The following SNX29 variants were observed in gnomAD, a reference collection of about 807,000 sequenced individuals.
SNX29 encodes the protein sorting nexin 29.
A neutral mutation model predicts 102.1 loss-of-function variants in SNX29; 78 were observed. The observed-to-expected ratio is 0.76, with a 90% CI of 0.64 to 0.92. The LOEUF (loss-of-function observed/expected upper bound fraction) is 0.92. Ranked by LOEUF, SNX29 falls within the 40% of genes least tolerant of loss-of-function variation. The pLI is 0.00. For synonymous variants in SNX29, 580 were observed against 414.5 expected (o/e 1.40, Z -4.85); for missense variants, 1,280 against 1,061.7 (o/e 1.21, Z -2.86).
intron 14 of SNX29, among the ~76,000 whole-genome samples, chr16:12,205,409 C>T (rs1025353854): frequency 6.6e-6 from 1 of 152,168 alleles, no homozygotes; most frequent in Non-Finnish European, 1.5e-5. Flanking sequence ...CATGGTTTTC[C>T]AGTCCTGACT....
chr16:12,196,667 C>T (rs2076784006), intron 13 of SNX29, among the ~76,000 whole-genome samples: 1 of 138,492 alleles, frequency 7.2e-6, no homozygotes, highest in Non-Finnish European at 1.5e-5. Flanking sequence ...TGTTGCGAGG[C>T]TGGAGTGCAG....
chr16:12,566,380 C>T (rs1827595434), intron 20 of SNX29, among the ~76,000 whole-genome samples: 2 of 151,382 alleles, frequency 1.3e-5, no homozygotes, highest in Admixed American at 1.3e-4. Flanking sequence ...ACCAACAAGG[C>T]ACTGGCCTCT....
At chr16:12,523,985 C>T (rs1408616560) in intron 19 of SNX29, among the ~76,000 whole-genome samples, 1 of 152,130 alleles carries the variant, frequency 6.6e-6, no homozygotes, top group Admixed American at 6.6e-5. Context: ...CTCCCGGGTT[C>T]AAGTGATTGT....
chr16:12,518,063 A>G (rs1340873500), intron 19 of SNX29, among the ~76,000 whole-genome samples: 3 of 152,212 alleles, frequency 2.0e-5, no homozygotes, highest in Non-Finnish European at 4.4e-5. Context: ...CCACGCGGCA[A>G]GGTTCCCATG....
At chr16:12,062,144 C>A (rs972443748) in intron 9 of SNX29, among the ~76,000 whole-genome samples, 11 of 151,898 alleles carry the variant, frequency 7.2e-5, no homozygotes, top group African/African-American at 2.4e-4. Flanking sequence ...TTTGTGAAGC[C>A]GAGGCGGGTG....
intron 14 of SNX29, among the ~76,000 whole-genome samples, chr16:12,207,287 T>C (rs570015993): frequency 6.7e-4 from 102 of 152,196 alleles, no homozygotes; most frequent in African/African-American, 2.3e-3. Flanking sequence ...GAGAATTGCT[T>C]GAACCTGGGA....
intron 16 of SNX29, among the ~76,000 whole-genome samples, chr16:12,388,967 C>T (rs902507887): frequency 5.9e-5 from 9 of 152,202 alleles, no homozygotes; most frequent in African/African-American, 2.2e-4. Flanking sequence ...CTGCTCCTGC[C>T]TGCAAGGGTG....
At chr16:12,244,013 A>T (rs979390724) in intron 14 of SNX29, among the ~76,000 whole-genome samples, 2 of 152,038 alleles carry the variant, frequency 1.3e-5, no homozygotes, top group African/African-American at 4.8e-5. Flanking sequence ...AAACTGTTCC[A>T]CCTCAGATCA....
intron 19 of SNX29, among the ~76,000 whole-genome samples, chr16:12,518,058 C>T (rs936874389): frequency 3.9e-5 from 6 of 152,112 alleles, no homozygotes; most frequent in South Asian, 2.1e-4. Flanking sequence ...TGCGGCCACG[C>T]GGCAAGGTTC....
chr16:12,427,897 G>A (rs530120508), intron 18 of SNX29, among the ~76,000 whole-genome samples: 4 of 152,342 alleles, frequency 2.6e-5, no homozygotes, highest in African/African-American at 7.2e-5. Flanking sequence ...TGCTAAATAA[G>A]ATCAGACAAA....
intron 3 of SNX29, among the ~76,000 whole-genome samples, chr16:12,026,745 G>A (rs536951494): frequency 3.3e-5 from 5 of 152,196 alleles, no homozygotes; most frequent in African/African-American, 1.2e-4. Flanking sequence ...TATTTTTAGA[G>A]CATGTAATCT....
chr16:12,538,632 G>A (rs906190581), intron 20 of SNX29, among the ~76,000 whole-genome samples: 3 of 152,134 alleles, frequency 2.0e-5, no homozygotes, highest in African/African-American at 7.2e-5. Flanking sequence ...TAGGAAGAAT[G>A]GAAAAACTGG....
chr16:12,268,940 C>G (rs1039019384), intron 14 of SNX29, among the ~76,000 whole-genome samples: 2 of 152,122 alleles, frequency 1.3e-5, no homozygotes, highest in African/African-American at 4.8e-5. Flanking sequence ...CACAGATACC[C>G]CCAAACAGAT....
At chr16:12,175,038 C>G (rs1467991754) in intron 13 of SNX29, among the ~76,000 whole-genome samples, 1 of 152,164 alleles carries the variant, frequency 6.6e-6, no homozygotes, top group Non-Finnish European at 1.5e-5. Flanking sequence ...ATTTCATTTA[C>G]TGCTTAGGTG....
chr16:12,260,550 C>G (rs779388553), intron 14 of SNX29, among the ~76,000 whole-genome samples: 54 of 152,310 alleles, frequency 3.5e-4, no homozygotes, highest in Admixed American at 1.9e-3. Context: ...CTGAGCTTCT[C>G]TTTTCTCTCA....
rs187069430 is a variant in SNX29, at chr16:12,059,905, G to A, written c.1125-1623G>A. ...CCCACAGCCTTGGTTCTGTTGCTTA[G>A]TGCTGATGGCCTTGGACAAGCCACA... On this transcript the variant is annotated intron_variant, in intron 8 of 20. Coordinates refer to ENST00000566228, the MANE Select transcript of SNX29 (RefSeq NM_032167.5). 4.6e-5 allele frequency among the ~76,000 whole-genome samples: 7 copies of A among 152,352 alleles called. No individual in the cohort carries two copies. The East Asian group carries it at 1.2e-3, about 25-fold the overall frequency.
intron 13 of SNX29, among the ~76,000 whole-genome samples, chr16:12,174,792 T>G (rs761557199): frequency 6.6e-6 from 1 of 152,194 alleles, no homozygotes; most frequent in Non-Finnish European, 1.5e-5. Flanking sequence ...GCCATGTGGC[T>G]TGTTTGAAAG....
chr16:12,459,105 C>T (rs2086662839), intron 18 of SNX29, among the ~76,000 whole-genome samples: 1 of 115,822 alleles, frequency 8.6e-6, no homozygotes, highest in Non-Finnish European at 1.8e-5. Flanking sequence ...CCCACCGTTT[C>T]ACTCTCCCCT....
rs1356778546 is a variant in SNX29, at chr16:11,999,307, C to A, written c.18C>A (p.Asn6Lys). The A allele has an allele frequency of 6.2e-7, 1 of 1,614,016 alleles. No individual in the cohort carries two copies. The highest frequency in any genetic ancestry group is 8.5e-7 in the Non-Finnish European group (1 of 1,179,936). ...CTCATTGCATTTTAGGATCACAGAA[C>A]AATGACAAAAGACAATTTCTGCTGG... MSGSQ[N>K]NDKRQFLLER... is the part of the protein sequence containing the mutation. Residue 6 changes from asparagine to lysine, a missense_variant, in exon 2 of 21, where the codon AAC becomes AAA. Transcript: ENST00000566228.
Sources: gnomAD v4.1 joint callset for allele counts (sites outside exome capture counted in the v4.1 genomes callset) on GRCh38, gnomAD v4.1.1 for gene constraint, MANE v1.5 for transcripts, NCBI Gene and HGNC (gene_info 2026-07-23, HGNC 2026-07-21) for gene names.